NTM: variants seen among roughly 807,000 people sequenced by gnomAD.
NTM encodes the protein IgLON family member 2.
In NTM, 13 loss-of-function variants were observed where a neutral mutation model predicts 42.1. The observed-to-expected ratio is 0.31, with a 90% confidence interval of 0.20 to 0.49. The LOEUF (loss-of-function observed/expected upper bound fraction) is 0.49, where lower values mean the gene tolerates loss of function less well. Ranked by LOEUF, NTM falls within the 20% of genes least tolerant of loss-of-function variation. The pLI is 0.99. For synonymous variants in NTM, 187 were observed against 179.2 expected (o/e 1.04, Z -0.35); for missense variants, 373 against 452.8 (o/e 0.82, Z 1.60).
rs138635528 is a variant in NTM, at chr11:132,185,293, T to C, written c.401-26729T>C. ...CACAAGCGAATATCCAAACAGACAT[T>C]TATGCACACATTTTCTTGAGATATC... is the stretch of plus-strand genomic sequence containing the variant. On this transcript the variant is annotated intron_variant, in intron 3 of 8. Coordinates refer to ENST00000683400, the MANE Select transcript of NTM (RefSeq NM_001352005.2). Among the ~76,000 whole-genome samples the C allele has an allele frequency of 7.9e-5, 12 of 152,308 alleles. No individual in the cohort carries two copies. In the East Asian group the frequency reaches 1.7e-3, roughly 22 times the overall value.
chr11:131,630,070 C>A (rs2063496818), intron 1 of NTM, among the ~76,000 whole-genome samples: 1 of 152,136 alleles, frequency 6.6e-6, no homozygotes, highest in Admixed American at 6.5e-5. Context: ...CATAAGCCAA[C>A]TGTTTTAGGA....
chr11:131,937,089 A>G (rs2059303007), intron 2 of NTM, among the ~76,000 whole-genome samples: 1 of 152,238 alleles, frequency 6.6e-6, no homozygotes, highest in African/African-American at 2.4e-5. Flanking sequence ...GAAAGGAAGC[A>G]GGAGGGAAAT....
chr11:132,005,635 T>G (rs1178008208), intron 2 of NTM, among the ~76,000 whole-genome samples: 1 of 152,192 alleles, frequency 6.6e-6, no homozygotes, highest in Admixed American at 6.5e-5. Context: ...GAAGTTTCCA[T>G]CTCCCTTTTC....
intron 1 of NTM, among the ~76,000 whole-genome samples, chr11:131,462,811 C>T (rs974958358): frequency 4.0e-5 from 6 of 151,840 alleles, no homozygotes; most frequent in African/African-American, 1.5e-4. Context: ...CTCCCTAGAG[C>T]AGGCCCACCT....
intron 2 of NTM, among the ~76,000 whole-genome samples, chr11:132,124,944 G>A (rs1488430541): frequency 6.6e-6 from 1 of 152,208 alleles, no homozygotes; most frequent in Non-Finnish European, 1.5e-5. Flanking sequence ...GGCTGCAGGG[G>A]TGATGATTGT....
At chr11:132,251,296 G>A (rs992885326) in intron 4 of NTM, among the ~76,000 whole-genome samples, 3 of 152,160 alleles carry the variant, frequency 2.0e-5, no homozygotes, top group Non-Finnish European at 4.4e-5. Flanking sequence ...ACCTGACTCA[G>A]CAAATGCCCT....
chr11:132,195,852 C>G (rs930389884), intron 3 of NTM, among the ~76,000 whole-genome samples: 55 of 152,266 alleles, frequency 3.6e-4, no homozygotes, highest in African/African-American at 1.3e-3. Flanking sequence ...TATAAAAACC[C>G]TTGAAAACAA....
rs2059779192 is a variant in NTM, at chr11:132,086,828, C to G, written c.168-59454C>G. Among the ~76,000 whole-genome samples the G allele has an allele frequency of 3.3e-5, 5 of 152,130 alleles. No homozygotes were observed. In the South Asian group the frequency reaches 1.0e-3, roughly 32 times the overall value. On this transcript the variant is annotated intron_variant, in intron 2 of 8. Coordinates refer to ENST00000683400, the MANE Select transcript of NTM (RefSeq NM_001352005.2). ...CTTCTGGGTTCTCTTCCCCTGAGCTCAATTCTAAGCCAACCAGTGTCAGGT... is the reference window on the plus strand; with the variant it reads ...CTTCTGGGTTCTCTTCCCCTGAGCTGAATTCTAAGCCAACCAGTGTCAGGT...
At chr11:131,659,591 G>A (rs1305576282) in intron 1 of NTM, among the ~76,000 whole-genome samples, 1 of 152,224 alleles carries the variant, frequency 6.6e-6, no homozygotes, top group Admixed American at 6.5e-5. Context: ...CTGAAGTACG[G>A]TGTTTTAGTT....
At chr11:132,019,668 T>C (rs2074022402) in intron 2 of NTM, among the ~76,000 whole-genome samples, 1 of 152,068 alleles carries the variant, frequency 6.6e-6, no homozygotes, top group Non-Finnish European at 1.5e-5. Flanking sequence ...GGTTACTGTT[T>C]GCATGGTATA....
chr11:131,628,128 C>A (rs564203439), intron 1 of NTM, among the ~76,000 whole-genome samples: 1 of 152,114 alleles, frequency 6.6e-6, no homozygotes, highest in East Asian at 1.9e-4. Flanking sequence ...GGAGGACCCA[C>A]GAAGCCACTA....
chr11:131,567,313 C>A (rs1392884999), intron 1 of NTM, among the ~76,000 whole-genome samples: 1 of 151,792 alleles, frequency 6.6e-6, no homozygotes, highest in African/African-American at 2.4e-5. Flanking sequence ...ATGGTGAAAC[C>A]CCTTCTCTAC....
At chr11:131,475,883 AG>A (rs1047284520) in intron 1 of NTM, among the ~76,000 whole-genome samples, 2 of 152,212 alleles carry the variant, frequency 1.3e-5, no homozygotes, top group African/African-American at 4.8e-5. Flanking sequence ...AGAAAAAAAG[AG>A]GCAGGAAGAT....
chr11:132,167,960 A>G (rs1424943423), intron 3 of NTM, among the ~76,000 whole-genome samples: 1 of 152,214 alleles, frequency 6.6e-6, no homozygotes, highest in Non-Finnish European at 1.5e-5. Context: ...AATACTTCAA[A>G]TTGCTGTAGA....
chr11:131,827,723 T>C (rs1565602103), intron 1 of NTM, among the ~76,000 whole-genome samples: 1 of 152,216 alleles, frequency 6.6e-6, no homozygotes, highest in Non-Finnish European at 1.5e-5. Flanking sequence ...TGAGTAGTTA[T>C]CTTGAAGTTC....
intron 1 of NTM, among the ~76,000 whole-genome samples, chr11:131,750,110 C>T (rs11222769): frequency 0.039 from 5,991 of 152,282 alleles, 166 homozygotes; most frequent in Non-Finnish European, 0.059. Context: ...TTACACTCAA[C>T]GGAGAGAAAG....
rs911694384 is a variant in NTM, at chr11:131,678,061, T to A, written c.83-233503T>A. 2.6e-5 allele frequency among the ~76,000 whole-genome samples: 4 copies of A among 152,380 alleles called. 1 individual carries two copies. The Middle Eastern group carries it at 0.01, about 389-fold the overall frequency. ...CAGCTTTATTTATTTACTGACTTGA[T>A]GAAGTGAAGAGGCTGGAGAACTAAG... On this transcript the variant is annotated intron_variant, in intron 1 of 8. Transcript: ENST00000683400.
At chr11:131,819,796 A>G (rs2093105157) in intron 1 of NTM, among the ~76,000 whole-genome samples, 1 of 152,066 alleles carries the variant, frequency 6.6e-6, no homozygotes, top group Non-Finnish European at 1.5e-5. Flanking sequence ...CTCTTTATTT[A>G]CCTTTAATTA....
chr11:131,650,902 A>G (rs2066399525), intron 1 of NTM, among the ~76,000 whole-genome samples: 4 of 152,216 alleles, frequency 2.6e-5, no homozygotes, highest in Admixed American at 6.5e-5. Context: ...CTAGCTCCAC[A>G]TGTTTTCTAG....
Sources: allele counts gnomAD v4.1 joint callset (sites outside exome capture counted in the v4.1 genomes callset), GRCh38; gene constraint gnomAD v4.1.1; transcripts MANE v1.5; gene names NCBI Gene and HGNC (gene_info 2026-07-23, HGNC 2026-07-21).